Variants in ALK observed in about 807,000 individuals in gnomAD.
ALK encodes the protein ALK tyrosine kinase receptor.
ALK carries 74 observed loss-of-function variants against 163.1 expected under a neutral mutation model. The observed-to-expected ratio is 0.45, with a 90% CI of 0.38 to 0.55. The LOEUF (loss-of-function observed/expected upper bound fraction) is 0.55, where lower values mean the gene tolerates loss of function less well. Among genes scored for constraint, ALK ranks in the 20% least tolerant of loss-of-function variants. ALK has a pLI of 0.00. For synonymous variants in ALK, 960 were observed against 843.2 expected (o/e 1.14, Z -2.40); for missense variants, 2,063 against 2,105.3 (o/e 0.98, Z 0.39).
At chr2:29,810,408 G>A (rs1273954943) in intron 1 of ALK, among the ~76,000 whole-genome samples, 1 of 134,004 alleles carries the variant, frequency 7.5e-6, no homozygotes, top group African/African-American at 2.9e-5. Flanking sequence ...GGTGACAAGA[G>A]CAAAACTCCA....
intron 3 of ALK, among the ~76,000 whole-genome samples, chr2:29,678,937 T>C (rs1158115636): frequency 3.3e-5 from 5 of 151,844 alleles, no homozygotes; most frequent in African/African-American, 1.2e-4. Flanking sequence ...TATATCCTTC[T>C]TTATCCAGTT....
At chr2:29,626,774 TG>T (rs1676206285) in intron 3 of ALK, among the ~76,000 whole-genome samples, 1 of 152,148 alleles carries the variant, frequency 6.6e-6, no homozygotes, top group South Asian at 2.1e-4. Context: ...GAGAAATAAA[TG>T]TCTGTTGTTA....
chr2:29,579,747 A>G (rs1674626543), intron 3 of ALK, among the ~76,000 whole-genome samples: 1 of 152,196 alleles, frequency 6.6e-6, no homozygotes, highest in Non-Finnish European at 1.5e-5. Context: ...TGTAGAGGGA[A>G]GGTTGAAAGA....
At chr2:29,523,119 G>A (rs4536609) in intron 4 of ALK, among the ~76,000 whole-genome samples, 15,971 of 152,074 alleles carry the variant, frequency 0.11, 1,292 homozygotes, top group South Asian at 0.32. Context: ...AAGGAACCCC[G>A]GGCAGGAGGG....
At chr2:29,847,436 C>G (rs1320673749) in intron 1 of ALK, among the ~76,000 whole-genome samples, 1 of 152,162 alleles carries the variant, frequency 6.6e-6, no homozygotes, top group African/African-American at 2.4e-5. Context: ...AAGCAACTTG[C>G]TGATCAGGTA....
chr2:29,917,980 C>T (rs1351482952), intron 1 of ALK, among the ~76,000 whole-genome samples: 1 of 152,212 alleles, frequency 6.6e-6, no homozygotes, highest in Admixed American at 6.5e-5. Flanking sequence ...GCTTGGGATG[C>T]CCACAATGCT....
chr2:29,740,765 G>A (rs1251668432), intron 1 of ALK, among the ~76,000 whole-genome samples: 1 of 152,224 alleles, frequency 6.6e-6, no homozygotes, highest in African/African-American at 2.4e-5. Context: ...ACTTTGGGAG[G>A]CCAAGGTGGG....
rs556499938 is a variant in ALK, at chr2:29,908,282, A to G, written c.667+11711T>C. On this transcript the variant is annotated intron_variant, in intron 1 of 28. Transcript: ENST00000389048. ...TCTGGCTGGTTCTACTCTCCAGAGC[A>G]CACACACACACACACACACACACAC... Among the ~76,000 whole-genome samples the G allele has an allele frequency of 0.011, 33 of 3,026 alleles. No individual in the cohort carries two copies. The East Asian group carries it at 0.5, about 46-fold the overall frequency. The allele number at this position is 3,026 out of a possible 152,430, so 2.0% of individuals were successfully genotyped here.
At chr2:29,725,209 C>T (rs975355011) in intron 1 of ALK, among the ~76,000 whole-genome samples, 1 of 142,662 alleles carries the variant, frequency 7.0e-6, no homozygotes, top group Non-Finnish European at 1.5e-5. Context: ...ATGGCTAAAG[C>T]GTGTAAATCT....
intron 3 of ALK, among the ~76,000 whole-genome samples, chr2:29,588,743 CTAT>C (rs1674964116): frequency 6.6e-6 from 1 of 152,152 alleles, no homozygotes; most frequent in Admixed American, 6.5e-5. Flanking sequence ...ATGAGTTTGG[CTAT>C]TTCCTAACTA....
intron 3 of ALK, among the ~76,000 whole-genome samples, chr2:29,679,494 T>C (rs1326223609): frequency 6.6e-6 from 1 of 151,824 alleles, no homozygotes; most frequent in Non-Finnish European, 1.5e-5. Context: ...TTTGGAGTTA[T>C]TTTCCTAGTG....
chr2:29,199,126 G>T (rs966929048), intron 26 of ALK, among the ~76,000 whole-genome samples: 1 of 151,496 alleles, frequency 6.6e-6, no homozygotes, highest in South Asian at 2.1e-4. Context: ...GCTAATTTTT[G>T]TATTTTTAGT....
intron 1 of ALK, among the ~76,000 whole-genome samples, chr2:29,765,200 G>A (rs1275582014): frequency 2.0e-5 from 3 of 152,164 alleles, no homozygotes; most frequent in African/African-American, 7.2e-5. Flanking sequence ...TTTCTTCAAA[G>A]CAATGTGAGA....
At chr2:29,748,181 T>A (rs1680256720) in intron 1 of ALK, among the ~76,000 whole-genome samples, 1 of 151,996 alleles carries the variant, frequency 6.6e-6, no homozygotes, top group Non-Finnish European at 1.5e-5. Flanking sequence ...GTGGATCAGC[T>A]CTCCAGTGCT....
At chr2:29,462,688 G>T (rs112259024) in intron 4 of ALK, among the ~76,000 whole-genome samples, 1 of 152,154 alleles carries the variant, frequency 6.6e-6, no homozygotes, top group Admixed American at 6.5e-5. Flanking sequence ...TTGCTTTATC[G>T]TGGTGGTCTG....
intron 5 of ALK, among the ~76,000 whole-genome samples, chr2:29,378,359 C>G (rs1027157571): frequency 6.6e-6 from 1 of 152,128 alleles, no homozygotes; most frequent in Non-Finnish European, 1.5e-5. Context: ...GCAAGGGAGA[C>G]AGATTAGATA....
chr2:29,875,888 C>G (rs1666692412), intron 1 of ALK, among the ~76,000 whole-genome samples: 2 of 152,196 alleles, frequency 1.3e-5, no homozygotes, highest in South Asian at 4.1e-4. Flanking sequence ...CTGCAAGAAA[C>G]ATACATGTAC....
chr2:29,396,836 G>GTTTTTTT (rs10654058), intron 4 of ALK, among the ~76,000 whole-genome samples: 4,263 of 46,506 alleles, frequency 0.092, 1,123 homozygotes, highest in Non-Finnish European at 0.11. Context: ...TGTTACTATG[G>GTTTTTTT]TTTTTTTTTT....
chr2:29,400,065 G>A (rs1445816447), intron 4 of ALK, among the ~76,000 whole-genome samples: 2 of 152,192 alleles, frequency 1.3e-5, no homozygotes, highest in East Asian at 3.9e-4. Flanking sequence ...ATGTTTGTGG[G>A]CATGGGCTCG....
Sources: gnomAD v4.1 joint callset for allele counts (sites outside exome capture counted in the v4.1 genomes callset) on GRCh38, gnomAD v4.1.1 for gene constraint, MANE v1.5 for transcripts, NCBI Gene and HGNC (gene_info 2026-07-23, HGNC 2026-07-21) for gene names.